The following KCNH7 variants were observed in gnomAD, a reference collection of about 807,000 sequenced individuals.
The protein encoded by KCNH7 is potassium voltage-gated channel subfamily H member 7.
In KCNH7, 49 loss-of-function variants were observed where a neutral mutation model predicts 120.8. The observed-to-expected ratio is 0.41, with a 90% CI of 0.32 to 0.51. The LOEUF (loss-of-function observed/expected upper bound fraction) is 0.51, where lower values mean the gene tolerates loss of function less well. Ranked by LOEUF, KCNH7 falls within the 20% of genes least tolerant of loss-of-function variation. The pLI, the probability that KCNH7 is intolerant of heterozygous loss-of-function variation, is 0.38. For missense variants in KCNH7, 1,097 were observed against 1,446.6 expected, an observed-to-expected ratio of 0.76 and a Z score of 3.92; for synonymous variants, 547 against 516.1, an observed-to-expected ratio of 1.06 and a Z score of -0.81.
intron 2 of KCNH7, among the ~76,000 whole-genome samples, chr2:162,821,394 T>C (rs1045662927): frequency 3.9e-5 from 6 of 152,330 alleles, no homozygotes; most frequent in Non-Finnish European, 7.4e-5. Context: ...ATTTATTCTT[T>C]AGAGGAATTC....
chr2:162,827,233 T>C (rs1685317215), intron 2 of KCNH7, among the ~76,000 whole-genome samples: 1 of 152,014 alleles, frequency 6.6e-6, no homozygotes, highest in Admixed American at 6.6e-5. Context: ...CATCACATAA[T>C]CTTGCCAGGA....
chr2:162,752,220 T>C (rs969523636), intron 2 of KCNH7, among the ~76,000 whole-genome samples: 3 of 152,314 alleles, frequency 2.0e-5, no homozygotes, highest in African/African-American at 7.2e-5. Flanking sequence ...GAGACTTAAC[T>C]GTGGTTCAGT....
intron 1 of KCNH7, among the ~76,000 whole-genome samples, chr2:162,837,138 A>G (rs1471588116): frequency 6.6e-6 from 1 of 152,202 alleles, no homozygotes; most frequent in Non-Finnish European, 1.5e-5. Context: ...TTTCAAAGTC[A>G]AACAGTGAAA....
chr2:162,748,064 G>T (rs2105423750), intron 2 of KCNH7, among the ~76,000 whole-genome samples: 1 of 152,236 alleles, frequency 6.6e-6, no homozygotes, highest in South Asian at 2.1e-4. Context: ...AGATAAATAA[G>T]AATATTTTAC....
intron 2 of KCNH7, among the ~76,000 whole-genome samples, chr2:162,661,478 A>G (rs1009576438): frequency 3.9e-5 from 6 of 152,200 alleles, no homozygotes; most frequent in African/African-American, 1.4e-4. Flanking sequence ...TGAGAGCGTT[A>G]TTTATATTTA....
intron 6 of KCNH7, among the ~76,000 whole-genome samples, chr2:162,485,414 G>A (rs1258685516): frequency 2.6e-5 from 4 of 152,122 alleles, no homozygotes; most frequent in African/African-American, 9.7e-5. Context: ...CAAGTAATAA[G>A]TTATGTAAAG....
intron 2 of KCNH7, among the ~76,000 whole-genome samples, chr2:162,542,988 T>A (rs996413997): frequency 6.6e-6 from 1 of 152,076 alleles, no homozygotes; most frequent in African/African-American, 2.4e-5. Flanking sequence ...GGATAGACAG[T>A]CTGAATGGCC....
At chr2:162,447,941 A>G (rs899312374) in intron 6 of KCNH7, among the ~76,000 whole-genome samples, 18 of 152,108 alleles carry the variant, frequency 1.2e-4, no homozygotes, top group African/African-American at 4.1e-4. Context: ...AACTACTTTA[A>G]CTAGTTTTCA....
chr2:162,499,940 G>C (rs554594066), intron 6 of KCNH7, among the ~76,000 whole-genome samples: 1 of 151,814 alleles, frequency 6.6e-6, no homozygotes, highest in Non-Finnish European at 1.5e-5. Context: ...TGTAGCTAAG[G>C]TTTCCTCTCT....
At chr2:162,775,959 T>C (rs762135131) in intron 2 of KCNH7, among the ~76,000 whole-genome samples, 5 of 152,184 alleles carry the variant, frequency 3.3e-5, no homozygotes, top group Admixed American at 6.6e-5. Context: ...ATGCCTGGTT[T>C]TCTCATAGGA....
At chr2:162,803,456 C>A (rs1684419049) in intron 2 of KCNH7, among the ~76,000 whole-genome samples, 2 of 151,772 alleles carry the variant, frequency 1.3e-5, no homozygotes, top group Non-Finnish European at 3.0e-5. Flanking sequence ...ACTTTATCAT[C>A]CCTATTTTAC....
At chr2:162,517,125 G>A (rs1314141242) in intron 4 of KCNH7, among the ~76,000 whole-genome samples, 2 of 151,774 alleles carry the variant, frequency 1.3e-5, no homozygotes, top group Non-Finnish European at 2.9e-5. Context: ...ATGTAAGAAT[G>A]TGAACATAAT....
chr2:162,392,925 G>C (rs1686788007), intron 12 of KCNH7, among the ~76,000 whole-genome samples: 1 of 151,934 alleles, frequency 6.6e-6, no homozygotes, highest in Non-Finnish European at 1.5e-5. Context: ...GTGTGGAATA[G>C]ATGAGAGAGG....
intron 2 of KCNH7, among the ~76,000 whole-genome samples, chr2:162,739,025 C>A (rs978439513): frequency 6.6e-6 from 1 of 152,172 alleles, no homozygotes; most frequent in Non-Finnish European, 1.5e-5. Context: ...CTAATCACAA[C>A]CTGTGCGGGA....
chr2:162,570,310 T>C (rs2105897128), intron 2 of KCNH7, among the ~76,000 whole-genome samples: 1 of 151,810 alleles, frequency 6.6e-6, no homozygotes, highest in South Asian at 2.1e-4. Flanking sequence ...CTTTTGATCT[T>C]TGTTGGTTTA....
intron 2 of KCNH7, among the ~76,000 whole-genome samples, chr2:162,744,618 G>C (rs1024782557): frequency 2.0e-5 from 3 of 147,242 alleles, no homozygotes; most frequent in Admixed American, 6.8e-5. Context: ...TGTCGCCCAG[G>C]CTGGAATGCA....
At chr2:162,423,156 T>G (rs1331431385) in intron 9 of KCNH7, 180 bp downstream of exon 9, 1 of 1,305,090 alleles carries the variant, frequency 7.7e-7, no homozygotes, top group African/African-American at 1.5e-5. Context: ...TATAACTAGA[T>G]ATAGCACCAT....
chr2:162,720,411 G>A (rs1312183796), intron 2 of KCNH7, among the ~76,000 whole-genome samples: 1 of 151,476 alleles, frequency 6.6e-6, no homozygotes, highest in Non-Finnish European at 1.5e-5. Context: ...GATATTTGGA[G>A]TTATCTGAGA....
In KCNH7 at chr2:162,696,309, T is replaced by C. The variant is rs1686284936; in HGVS notation, c.307+140228A>G. The stretch of plus-strand genomic sequence containing the variant: ...ATTTTATGAATGTTTTTAGTAATTA[T>C]GTTGGAAATAGGATAAGTAGTATTG... On this transcript the variant is annotated intron_variant, in intron 2 of 15. Transcript: ENST00000332142. Among the ~76,000 whole-genome samples the C allele has an allele frequency of 2.6e-5, 4 of 152,196 alleles. No individual in the cohort carries two copies. The South Asian group carries it at 8.3e-4, about 32-fold the overall frequency.
Sources: allele counts gnomAD v4.1 joint callset (sites outside exome capture counted in the v4.1 genomes callset), GRCh38; gene constraint gnomAD v4.1.1; transcripts MANE v1.5; gene names NCBI Gene and HGNC (gene_info 2026-07-23, HGNC 2026-07-21).